LYPLAL1: variants seen among roughly 807,000 people sequenced by gnomAD.
LYPLAL1 encodes the protein lysophospholipase-like protein 1.
Under a neutral mutation model 19.7 loss-of-function variants are expected in LYPLAL1, and 23 were observed. The ratio of observed to expected loss-of-function variants is 1.17; its 90% confidence interval spans 0.84 to 1.65. LYPLAL1 has a LOEUF of 1.65. Ranked by LOEUF, LYPLAL1 falls within the 40% of genes most tolerant of loss-of-function variation. The probability of loss-of-function intolerance (pLI) is 0.00; values close to 1 mark genes in which losing one functional copy is unlikely to be tolerated. For missense variants in LYPLAL1, 355 were observed against 279.4 expected (o/e 1.27, Z -1.93); for synonymous variants, 119 against 96.3 (o/e 1.24, Z -1.38).
chr1:219,358,168 A>G, the LYPLAL1 span, among the ~76,000 whole-genome samples: 6 of 152,340 alleles, frequency 3.9e-5, no homozygotes, highest in South Asian at 1.2e-3. Context: ...AAAATCATTT[A>G]GAAGGTTCAG....
At chr1:219,313,816 T>C in the LYPLAL1 span, among the ~76,000 whole-genome samples, 1 of 152,138 alleles carries the variant, frequency 6.6e-6, no homozygotes, top group Non-Finnish European at 1.5e-5. Context: ...ATTACAGGCA[T>C]GAGCCACCCA....
intron 3 of LYPLAL1, among the ~76,000 whole-genome samples, chr1:219,197,912 A>G (rs1029652193): frequency 6.6e-6 from 1 of 152,176 alleles, no homozygotes; most frequent in African/African-American, 2.4e-5. Context: ...TTGAGCACCT[A>G]TATTTTCTTA....
the LYPLAL1 span, among the ~76,000 whole-genome samples, chr1:219,294,984 A>G: frequency 6.6e-5 from 10 of 152,120 alleles, no homozygotes; most frequent in East Asian, 1.9e-3. Context: ...CTTTCAGCCA[A>G]TGGCAATTCC....
At chr1:219,379,276 C>T in the LYPLAL1 span, among the ~76,000 whole-genome samples, 25 of 152,266 alleles carry the variant, frequency 1.6e-4, no homozygotes, top group African/African-American at 5.5e-4. Flanking sequence ...GATACAAAGG[C>T]ATAACCCAAG....
chr1:219,419,548 AACACACACACAC>A, the LYPLAL1 span, among the ~76,000 whole-genome samples: 106 of 97,860 alleles, frequency 1.1e-3, no homozygotes, highest in African/African-American at 2.9e-3. Context: ...GCCCTAGCCC[AACACACACACAC>A]ACACACACAC....
At chr1:219,368,682 A>T in the LYPLAL1 span, among the ~76,000 whole-genome samples, 1,462 of 152,364 alleles carry the variant, frequency 9.6e-3, 26 homozygotes, top group African/African-American at 0.034. Flanking sequence ...AATTGAAGCA[A>T]TCGTGTGTAT....
At chr1:219,367,801 C>T in the LYPLAL1 span, among the ~76,000 whole-genome samples, 1 of 152,068 alleles carries the variant, frequency 6.6e-6, no homozygotes, top group Admixed American at 6.6e-5. Context: ...AAAGTATAAC[C>T]AGTTCTTTTT....
chr1:219,298,625 G>A, the LYPLAL1 span, among the ~76,000 whole-genome samples: 1 of 152,212 alleles, frequency 6.6e-6, no homozygotes, highest in Non-Finnish European at 1.5e-5. Context: ...CATTTTGAGA[G>A]TTCTCGCCAG....
At chr1:219,362,954 A>G in the LYPLAL1 span, among the ~76,000 whole-genome samples, 2 of 152,018 alleles carry the variant, frequency 1.3e-5, no homozygotes, top group Non-Finnish European at 2.9e-5. Flanking sequence ...ATGAATGCAA[A>G]AAAAAAAATA....
At chr1:219,335,491 T>C in the LYPLAL1 span, among the ~76,000 whole-genome samples, 31 of 151,878 alleles carry the variant, frequency 2.0e-4, no homozygotes, top group Non-Finnish European at 3.7e-4. Flanking sequence ...AACATTAGAA[T>C]TTATAAGAAA....
chr1:219,410,551 C>T, the LYPLAL1 span, among the ~76,000 whole-genome samples: 1 of 152,242 alleles, frequency 6.6e-6, no homozygotes, highest in Non-Finnish European at 1.5e-5. Flanking sequence ...CACTTGGTGG[C>T]ATTTGAGGAG....
At chr1:219,230,841 C>T in the LYPLAL1 span, among the ~76,000 whole-genome samples, 4 of 152,250 alleles carry the variant, frequency 2.6e-5, no homozygotes, top group South Asian at 8.3e-4. Context: ...TACTAGCCAC[C>T]GTTCTAGCCC....
intron 1 of LYPLAL1, chr1:219,174,893 A>G: frequency 4.1e-6 from 4 of 985,508 alleles, no homozygotes; most frequent in Non-Finnish European, 3.6e-6. Context: ...GGAAGATCAC[A>G]AGACGGTGCA....
downstream of LYPLAL1, among the ~76,000 whole-genome samples, chr1:219,217,675 T>G (rs1293993915): frequency 1.3e-5 from 2 of 152,082 alleles, no homozygotes; most frequent in Non-Finnish European, 2.9e-5. Flanking sequence ...GCCAAATATT[T>G]GAGCCTGACA....
chr1:219,209,711 T>C (rs1371299472), intron 3 of LYPLAL1, among the ~76,000 whole-genome samples: 1 of 152,090 alleles, frequency 6.6e-6, no homozygotes, highest in Non-Finnish European at 1.5e-5. Flanking sequence ...CTTAGGAATG[T>C]CACACTGAGT....
At chr1:219,399,414 G>A in the LYPLAL1 span, among the ~76,000 whole-genome samples, 1 of 152,206 alleles carries the variant, frequency 6.6e-6, no homozygotes, top group African/African-American at 2.4e-5. Flanking sequence ...AATTGCAATG[G>A]CAGTTGCCAG....
chr1:219,426,866 T>C, the LYPLAL1 span, among the ~76,000 whole-genome samples: 2 of 152,204 alleles, frequency 1.3e-5, no homozygotes, highest in Non-Finnish European at 2.9e-5. Flanking sequence ...CCCAAAGTGC[T>C]GGGATTACAG....
chr1:219,214,059 C>T (rs1558250607), downstream of LYPLAL1, among the ~76,000 whole-genome samples: 1 of 152,016 alleles, frequency 6.6e-6, no homozygotes, highest in Non-Finnish European at 1.5e-5. Context: ...TGATGATATT[C>T]CTCTCTGTTC....
At chr1:219,241,533 T>A in the LYPLAL1 span, among the ~76,000 whole-genome samples, 3 of 152,128 alleles carry the variant, frequency 2.0e-5, no homozygotes, top group Non-Finnish European at 4.4e-5. Flanking sequence ...TCTTGGGTTG[T>A]AAATTCTAAT....
Sources: gnomAD v4.1 joint callset for allele counts (sites outside exome capture counted in the v4.1 genomes callset) on GRCh38, gnomAD v4.1.1 for gene constraint, MANE v1.5 for transcripts, NCBI Gene and HGNC (gene_info 2026-07-23, HGNC 2026-07-21) for gene names.